Variants in RAPGEF6 observed in about 807,000 individuals in gnomAD.
The protein encoded by RAPGEF6 is Rap guanine nucleotide exchange factor 6.
A neutral mutation model predicts 171.4 loss-of-function variants in RAPGEF6; 56 were observed. That is an observed-to-expected ratio of 0.33 (90% CI 0.26 to 0.41). The LOEUF (loss-of-function observed/expected upper bound fraction) is 0.41, where lower values mean the gene tolerates loss of function less well. Among genes scored for constraint, RAPGEF6 ranks in the 10% least tolerant of loss-of-function variants. The pLI, the probability that RAPGEF6 is intolerant of heterozygous loss-of-function variation, is 1.00. For missense variants in RAPGEF6, 1,674 were observed against 1,921.4 expected (o/e 0.87, Z 2.41); for synonymous variants, 692 against 650.1 (o/e 1.06, Z -0.98).
intron 6 of RAPGEF6, among the ~76,000 whole-genome samples, chr5:131,535,384 A>T (rs2149931289): frequency 6.6e-6 from 1 of 152,292 alleles, no homozygotes. Flanking sequence ...AACTAAAATA[A>T]ATGACTAGGT....
At chr5:131,633,949 A>G (rs1766472419) in intron 1 of RAPGEF6, among the ~76,000 whole-genome samples, 1 of 152,202 alleles carries the variant, frequency 6.6e-6, no homozygotes, top group Non-Finnish European at 1.5e-5. Flanking sequence ...AAAGTGGTAG[A>G]ATTTGTGTTG....
chr5:131,428,685 C>G (rs1477972580), intron 27 of RAPGEF6, among the ~76,000 whole-genome samples: 1 of 152,024 alleles, frequency 6.6e-6, no homozygotes, highest in East Asian at 1.9e-4. Flanking sequence ...TGGTCAGGAA[C>G]TCCCGACCTC....
intron 6 of RAPGEF6, among the ~76,000 whole-genome samples, chr5:131,524,660 C>T (rs892601896): frequency 7.3e-5 from 11 of 151,722 alleles, no homozygotes; most frequent in African/African-American, 2.4e-4. Flanking sequence ...CTGTCACCTA[C>T]GCTGGAGTGC....
chr5:131,521,891 A>ACACACTCT (rs1250904540), intron 6 of RAPGEF6, among the ~76,000 whole-genome samples: 29 of 123,648 alleles, frequency 2.3e-4, no homozygotes, highest in African/African-American at 8.3e-4. Context: ...ACACACACAC[A>ACACACTCT]CTCTCTCTCT....
chr5:131,560,739 C>T (rs980097995), intron 5 of RAPGEF6, among the ~76,000 whole-genome samples: 10 of 152,140 alleles, frequency 6.6e-5, no homozygotes, highest in Non-Finnish European at 1.0e-4. Context: ...GCGATACTCT[C>T]GGAGACACAA....
At position 131,431,038 on chromosome 5, in the gene RAPGEF6, T is replaced by C. The variant is rs1751669144; in HGVS notation, c.4286A>G (p.Glu1429Gly). Residue 1429 changes from glutamate (E) to glycine (G), a missense_variant, in exon 26 of 28, where the codon GAG becomes GGG. Glu to Gly is a moderately conservative substitution (Grantham distance 98). This residue lies in a region of RAPGEF6 where 552 missense variants were observed against 574.2 expected (regional missense o/e 0.96). Coordinates refer to ENST00000509018, the MANE Select transcript of RAPGEF6 (RefSeq NM_016340.6). ...RTCGQCKGSLERKSWTSSSSL... is the reference protein window; with the variant it reads ...RTCGQCKGSLGRKSWTSSSSL... ...ACTGGAGGAGGTCCAACTCTTTCTC[T>C]CTAGGCTTCCTTTACACTGCCCACA... The C allele has an allele frequency of 1.9e-6, 3 of 1,614,196 alleles. No homozygotes were observed. The highest frequency in any genetic ancestry group is 1.1e-5 in the South Asian group (1 of 91,088).
chr5:131,621,443 G>A (rs1315483637), intron 1 of RAPGEF6, among the ~76,000 whole-genome samples: 1 of 151,666 alleles, frequency 6.6e-6, no homozygotes, highest in Non-Finnish European at 1.5e-5. Flanking sequence ...ACCACACCCT[G>A]CTGATTTTTG....
rs1318130504 is a variant in RAPGEF6 at position 131,500,889 on chromosome 5, G to C, written c.1255-2282C>G. 4.3e-5 allele frequency among the ~76,000 whole-genome samples: 4 copies of C among 93,576 alleles called. No homozygotes were observed. The South Asian group carries it at 1.1e-3, about 26-fold the overall frequency. The allele number at this position is 93,576 out of a possible 152,430, so 61.4% of individuals were successfully genotyped here. Reference sequence around the variant, plus strand: ...ATAAAGTCAGTGTTGTTGAATAAATGAAGAAATGAACTGAATGAAGAAATG... The same window carrying C: ...ATAAAGTCAGTGTTGTTGAATAAATCAAGAAATGAACTGAATGAAGAAATG... On this transcript the variant is annotated intron_variant, in intron 11 of 27. Coordinates refer to ENST00000509018, the MANE Select transcript of RAPGEF6 (RefSeq NM_016340.6).
intron 4 of RAPGEF6, among the ~76,000 whole-genome samples, chr5:131,589,033 G>A (rs1341911779): frequency 6.6e-6 from 1 of 151,886 alleles, no homozygotes; most frequent in East Asian, 1.9e-4. Context: ...TCACATCACT[G>A]CATTCCAACC....
intron 20 of RAPGEF6, among the ~76,000 whole-genome samples, chr5:131,453,954 A>AGCCC: frequency 6.6e-6 from 1 of 152,372 alleles, no homozygotes; most frequent in African/African-American, 2.4e-5. Flanking sequence ...AGGCAGTAAG[A>AGCCC]CTACATAATT....
At chr5:131,545,503 AAAGACATAAAGAACCC>A (rs1474470153) in intron 6 of RAPGEF6, among the ~76,000 whole-genome samples, 1 of 152,174 alleles carries the variant, frequency 6.6e-6, no homozygotes, top group Non-Finnish European at 1.5e-5. Flanking sequence ...CAATAGAACA[AAAGACATAAAGAACCC>A]TATAAAGGCC....
At chr5:131,458,538 C>G (rs1410624365) in intron 19 of RAPGEF6, among the ~76,000 whole-genome samples, 1 of 152,184 alleles carries the variant, frequency 6.6e-6, no homozygotes, top group East Asian at 1.9e-4. Context: ...TAAAAGAAAA[C>G]TGAAACAAGT....
chr5:131,553,893 A>T (rs1761063648), intron 5 of RAPGEF6, among the ~76,000 whole-genome samples: 1 of 152,068 alleles, frequency 6.6e-6, no homozygotes, highest in Non-Finnish European at 1.5e-5. Context: ...GAGGTAAAAA[A>T]TAAGAAAGCT....
intron 7 of RAPGEF6, among the ~76,000 whole-genome samples, chr5:131,512,897 T>A (rs1448319676): frequency 2.0e-5 from 3 of 152,152 alleles, no homozygotes; most frequent in Non-Finnish European, 4.4e-5. Context: ...ACACCAAATC[T>A]GCTTGCTGGT....
At chr5:131,615,787 A>G (rs1765227599) in intron 1 of RAPGEF6, among the ~76,000 whole-genome samples, 1 of 152,196 alleles carries the variant, frequency 6.6e-6, no homozygotes, top group Non-Finnish European at 1.5e-5. Flanking sequence ...CTGTAGTCCC[A>G]GCTACTTGGG....
At chr5:131,531,012 T>C (rs1759331741) in intron 6 of RAPGEF6, among the ~76,000 whole-genome samples, 2 of 152,224 alleles carry the variant, frequency 1.3e-5, no homozygotes, top group Non-Finnish European at 2.9e-5. Flanking sequence ...ATACATTGTG[T>C]ACCTAGGCTT....
chr5:131,506,897 GT>G (rs1280242729), intron 9 of RAPGEF6, among the ~76,000 whole-genome samples: 1 of 151,438 alleles, frequency 6.6e-6, no homozygotes, highest in African/African-American at 2.4e-5. Flanking sequence ...AGAATATCCT[GT>G]TTAAAAAAAT....
At chr5:131,516,236 G>A (rs1331052374) in intron 7 of RAPGEF6, among the ~76,000 whole-genome samples, 3 of 151,730 alleles carry the variant, frequency 2.0e-5, no homozygotes, top group South Asian at 2.1e-4. Flanking sequence ...ATGCGCCACC[G>A]CACGTGGCTA....
intron 5 of RAPGEF6, among the ~76,000 whole-genome samples, chr5:131,550,041 C>A (rs1454857748): frequency 1.3e-5 from 2 of 152,112 alleles, no homozygotes; most frequent in Non-Finnish European, 2.9e-5. Context: ...ATTCTCAGCA[C>A]CCCTGCTTGT....
Sources: gnomAD v4.1 joint callset for allele counts (sites outside exome capture counted in the v4.1 genomes callset) on GRCh38, gnomAD v4.1.1 for gene constraint, gnomAD v4.1.1 regional missense constraint, MANE v1.5 for transcripts, NCBI Gene and HGNC (gene_info 2026-07-23, HGNC 2026-07-21) for gene names.